The following CCDC3 variants were observed in gnomAD, a reference collection of about 807,000 sequenced individuals.
The protein encoded by CCDC3 is coiled-coil domain-containing protein 3.
In CCDC3, 24 loss-of-function variants were observed where a neutral mutation model predicts 21.4. The ratio of observed to expected loss-of-function variants is 1.12; its 90% CI spans 0.81 to 1.58. The LOEUF is 1.58. CCDC3 is among the 40% of genes most tolerant of loss of function. The probability of loss-of-function intolerance (pLI) is 0.00; values close to 1 mark genes in which losing one functional copy is unlikely to be tolerated. For synonymous variants in CCDC3, 186 were observed against 166.0 expected (o/e 1.12, Z -0.93); for missense variants, 425 against 360.9 (o/e 1.18, Z -1.44).
chr10:12,898,822 T>G, intron 2 of CCDC3, 143 bp from the exon 3 acceptor site: 1 of 979,206 alleles, frequency 1.0e-6, no homozygotes, highest in Non-Finnish European at 1.5e-6. Flanking sequence ...AACCCCAGGA[T>G]GTCCTTGACG....
intron 5 of CCDC3, among the ~76,000 whole-genome samples, chr10:13,030,087 G>C (rs1172523118): frequency 6.6e-6 from 1 of 152,208 alleles, no homozygotes; most frequent in African/African-American, 2.4e-5. Flanking sequence ...AGGGCAGCCA[G>C]AGAGAAAGGT....
intron 4 of CCDC3, among the ~76,000 whole-genome samples, chr10:13,054,936 G>A (rs955726159): frequency 5.9e-5 from 9 of 152,132 alleles, no homozygotes; most frequent in Non-Finnish European, 1.2e-4. Context: ...TAAAGTGCTG[G>A]GATTACAGGC....
chr10:13,010,806 T>C (rs1483064270), intron 5 of CCDC3, among the ~76,000 whole-genome samples: 1 of 152,170 alleles, frequency 6.6e-6, no homozygotes, highest in Non-Finnish European at 1.5e-5. Context: ...CACCAAAACA[T>C]GCATGAATCA....
Position 12,897,733 on chromosome 10 carries a change from A to G in CCDC3, c.*683T>C, listed in dbSNP as rs779000481. 3.3e-5 allele frequency: 5 copies of G among 152,246 alleles called. No homozygotes were observed. The highest frequency in any genetic ancestry group is 1.3e-4 in the Admixed American group (2 of 15,290). The allele number at this position is 152,246 out of a possible 1,614,324, so 9.4% of individuals were successfully genotyped here. On this transcript the variant is annotated 3_prime_UTR_variant, in exon 3 of 3. Transcript: ENST00000378825. Reference sequence around the variant, plus strand: ...CCCTGTGTTAACGCGACCCATAGGTATCATCTTCAACTCTTTGTAGCTGGT... The same window carrying G: ...CCCTGTGTTAACGCGACCCATAGGTGTCATCTTCAACTCTTTGTAGCTGGT...
intron 3 of CCDC3, among the ~76,000 whole-genome samples, chr10:13,074,904 A>G (rs1345956362): frequency 6.6e-6 from 1 of 152,238 alleles, no homozygotes; most frequent in East Asian, 1.9e-4. Flanking sequence ...GGTCTCAAAC[A>G]GACAATATGA....
intron 5 of CCDC3, among the ~76,000 whole-genome samples, chr10:13,045,203 G>A (rs958064126): frequency 1.3e-5 from 2 of 151,914 alleles, no homozygotes; most frequent in African/African-American, 4.8e-5. Context: ...AATTATCTAC[G>A]ACAAAAGCAT....
intron 4 of CCDC3, among the ~76,000 whole-genome samples, chr10:13,052,975 CACACACACACATACACACACACA>C (rs1836630590): frequency 2.3e-5 from 2 of 85,686 alleles, no homozygotes; most frequent in African/African-American, 9.3e-5. Flanking sequence ...CACACACACA[CACACACACACATACACACACACA>C]CCTAGAAGTT....
chr10:12,946,251 A>G (rs1834915403), intron 2 of CCDC3, among the ~76,000 whole-genome samples: 3 of 152,236 alleles, frequency 2.0e-5, no homozygotes, highest in Non-Finnish European at 4.4e-5. Context: ...CTGACAGGCA[A>G]TAGCATCAGT....
At chr10:13,057,975 T>C (rs1836704041) in intron 4 of CCDC3, 1 of 650,052 alleles carries the variant, frequency 1.5e-6, no homozygotes, top group African/African-American at 1.8e-5. Context: ...TCCTCCATCA[T>C]GTCTGGAGTT....
chr10:13,076,394 G>A (rs536199189), intron 3 of CCDC3, among the ~76,000 whole-genome samples: 138 of 152,338 alleles, frequency 9.1e-4, no homozygotes, highest in Non-Finnish European at 1.5e-3. Context: ...CTAGCCTCTA[G>A]ATGTTTGTGG....
At chr10:12,925,893 G>T (rs1184609201) in intron 2 of CCDC3, among the ~76,000 whole-genome samples, 1 of 152,254 alleles carries the variant, frequency 6.6e-6, no homozygotes, top group African/African-American at 2.4e-5. Context: ...CAAACTTTAT[G>T]TATGAGGCAG....
chr10:12,970,317 C>G (rs1835322583), intron 2 of CCDC3, among the ~76,000 whole-genome samples: 1 of 152,122 alleles, frequency 6.6e-6, no homozygotes, highest in East Asian at 1.9e-4. Context: ...TTCAACTTTA[C>G]CGTGGGTTCA....
In CCDC3 at chr10:13,001,439, C is replaced by T. The variant is rs376876298; in HGVS notation, c.132G>A (p.Val44=). ...GGTGCAGCGCCAGCACCCTGGCGTA[C>T]ACGATGGTCTCGGCCAGCTCGGCGC... The part of the protein sequence containing the change: ...GCRAELAETI[V]YARVLALHPE... The change falls in exon 1 of 3, where the codon GTG becomes GTA. Residue 44 remains valine, a synonymous_variant. Coordinates refer to ENST00000378825, the MANE Select transcript of CCDC3 (RefSeq NM_031455.4). 5.3e-6 allele frequency: 8 copies of T among 1,512,536 alleles called. No individual in the cohort carries two copies. In the East Asian group the frequency reaches 1.7e-4, roughly 33 times the overall value. 93.7% of individuals were successfully genotyped at this position (1,512,536 alleles called of 1,614,324 possible).
At chr10:12,971,703 C>T (rs1325807914) in intron 2 of CCDC3, among the ~76,000 whole-genome samples, 4 of 152,036 alleles carry the variant, frequency 2.6e-5, no homozygotes, top group African/African-American at 4.8e-5. Flanking sequence ...TGTTTGTTTT[C>T]GAGACAGAGT....
intron 5 of CCDC3, among the ~76,000 whole-genome samples, chr10:13,042,940 A>G (rs1000365225): frequency 6.5e-4 from 99 of 151,788 alleles, no homozygotes; most frequent in African/African-American, 2.3e-3. Context: ...AAAGAAAAAG[A>G]AAACTCCATG....
At chr10:12,934,671 T>C (rs1834706905) in intron 2 of CCDC3, among the ~76,000 whole-genome samples, 1 of 152,192 alleles carries the variant, frequency 6.6e-6, no homozygotes, top group African/African-American at 2.4e-5. Context: ...CTTCTTGGAG[T>C]AGTAACCCCA....
chr10:12,924,974 G>A (rs562686265), intron 2 of CCDC3, among the ~76,000 whole-genome samples: 8 of 152,182 alleles, frequency 5.3e-5, no homozygotes, highest in South Asian at 2.1e-4. Context: ...ATGTGGCAGC[G>A]GTGAGCAGCC....
At chr10:12,904,719 C>T (rs569411293) in intron 2 of CCDC3, among the ~76,000 whole-genome samples, 1 of 152,242 alleles carries the variant, frequency 6.6e-6, no homozygotes, top group African/African-American at 2.4e-5. Flanking sequence ...CCGGGAAGCT[C>T]AGGTGTGAGA....
chr10:13,050,723 TGCTTA>T (rs970841706), intron 4 of CCDC3, among the ~76,000 whole-genome samples: 4 of 152,090 alleles, frequency 2.6e-5, no homozygotes, highest in African/African-American at 9.7e-5. Flanking sequence ...CCTCCCAAAG[TGCTTA>T]GATTACAGGC....
Sources: allele counts gnomAD v4.1 joint callset (sites outside exome capture counted in the v4.1 genomes callset), GRCh38; gene constraint gnomAD v4.1.1; transcripts MANE v1.5; gene names NCBI Gene and HGNC (gene_info 2026-07-23, HGNC 2026-07-21).